Variants in SMYD1 observed in about 807,000 individuals in gnomAD.
SMYD1 encodes the protein SET and MYND domain containing 1, also known as histone-lysine N-methyltransferase SMYD1.
Under a neutral mutation model 54.0 loss-of-function variants are expected in SMYD1, and 49 were observed. The ratio of observed to expected loss-of-function variants is 0.91; its 90% CI spans 0.72 to 1.15. SMYD1 has a LOEUF of 1.15. SMYD1 is among the 50% of genes most tolerant of loss of function. The probability of loss-of-function intolerance (pLI) is 0.00; values close to 1 mark genes in which losing one functional copy is unlikely to be tolerated. For missense variants in SMYD1, 653 were observed against 639.6 expected (o/e 1.02, Z -0.23); for synonymous variants, 269 against 234.2 (o/e 1.15, Z -1.36).
In SMYD1 at chr2:88,105,492, G is replaced by A. The variant is rs575774065; in HGVS notation, c.982-833G>A. ...CCTTGTAAAAATAGTGTATTTTTGC[G>A]TACAACCTATGCACATCCTTCCATA... On this transcript the variant is annotated intron_variant, in intron 7 of 9. Coordinates refer to ENST00000419482, the MANE Select transcript of SMYD1 (RefSeq NM_198274.4). Among the ~76,000 whole-genome samples, 18 of 152,160 alleles carry A rather than the reference G, an allele frequency of 1.2e-4. No individual in the cohort carries two copies. In the South Asian group the frequency reaches 3.3e-3, roughly 28 times the overall value.
intron 1 of SMYD1, among the ~76,000 whole-genome samples, chr2:88,075,323 C>A (rs911272606): frequency 2.0e-5 from 3 of 152,108 alleles, no homozygotes; most frequent in African/African-American, 7.2e-5. Context: ...CATAATGATG[C>A]TATCTTTACC....
chr2:88,104,991 C>T (rs1282374403), intron 7 of SMYD1, among the ~76,000 whole-genome samples: 1 of 152,188 alleles, frequency 6.6e-6, no homozygotes, highest in African/African-American at 2.4e-5. Context: ...TTGAACACTT[C>T]AGTAGGACAT....
chr2:88,093,447 C>G (rs1674507087), intron 4 of SMYD1, 70 bp from the exon 5 acceptor site: 1 of 1,570,026 alleles, frequency 6.4e-7, no homozygotes, highest in South Asian at 1.1e-5. Flanking sequence ...TGCTGTACAC[C>G]CTTGCACTGG....
At chr2:88,102,952 G>C (rs925197081) in intron 6 of SMYD1, 106 bp from the exon 7 acceptor site, 3 of 797,312 alleles carry the variant, frequency 3.8e-6, no homozygotes, top group Non-Finnish European at 6.4e-6. Context: ...GAATGAGGAA[G>C]ACATTAACCT....
At chr2:88,097,365 C>T (rs984710552) in intron 6 of SMYD1, among the ~76,000 whole-genome samples, 1 of 152,080 alleles carries the variant, frequency 6.6e-6, no homozygotes, top group African/African-American at 2.4e-5. Context: ...GTCAGGAACC[C>T]AGCTGAGCTG....
chr2:88,111,977 A>G lies in SMYD1; in HGVS notation c.*1465A>G. On this transcript the variant is annotated 3_prime_UTR_variant, in exon 10 of 10. Transcript: ENST00000419482. The stretch of plus-strand genomic sequence containing the variant: ...ATGTTAGCTTCTCCATCCTCACCAC[A>G]TGATGACCTGCTGTGTCCCTCTGAG... 2 of 688,514 alleles carry G rather than the reference A, an allele frequency of 2.9e-6. No individual in the cohort carries two copies. The highest frequency in any genetic ancestry group is 5.3e-6 in the Non-Finnish European group (2 of 376,048). The allele number at this position is 688,514 out of a possible 1,614,324, so 42.7% of individuals were successfully genotyped here. A position where few individuals can be genotyped will look rare whatever the true frequency, so the allele number is the denominator to read the frequency against.
chr2:88,090,964 T>C (rs1558852787), intron 3 of SMYD1, 48 bp from the exon 4 acceptor site: 3 of 1,577,434 alleles, frequency 1.9e-6, no homozygotes, highest in Admixed American at 3.6e-5. Context: ...TAGGATGTTG[T>C]TCTGTCCATG....
chr2:88,077,445 G>A (rs958994199), intron 1 of SMYD1, among the ~76,000 whole-genome samples: 3 of 152,314 alleles, frequency 2.0e-5, no homozygotes, highest in Admixed American at 6.5e-5. Flanking sequence ...TAATGATCTC[G>A]GCCAGTCTAA....
intron 1 of SMYD1, among the ~76,000 whole-genome samples, chr2:88,069,365 C>T (rs1673898988): frequency 6.6e-6 from 1 of 152,156 alleles, no homozygotes; most frequent in Non-Finnish European, 1.5e-5. Flanking sequence ...TGGCTCACCA[C>T]CACTTGAGGA....
At position 88,110,425 on chromosome 2, in the gene SMYD1, C is replaced by A; in HGVS notation, c.1386C>A (p.Arg462=). ...RQNEFMYYKM[R]EAALNNQPMQ... ...ACGAATTCATGTACTACAAGATGCG[C>A]GAGGCTGCCCTGAACAACCAGCCCA... is the stretch of plus-strand genomic sequence containing the variant. The change falls in exon 10 of 10, where the codon CGC becomes CGA. Residue 462 remains arginine (R), a synonymous_variant. Transcript: ENST00000419482. 1 of 1,610,828 alleles carries A rather than the reference C, an allele frequency of 6.2e-7. No homozygotes were observed. The highest frequency in any genetic ancestry group is 8.5e-7 in the Non-Finnish European group (1 of 1,178,544).
intron 4 of SMYD1, among the ~76,000 whole-genome samples, chr2:88,093,315 T>C (rs1052845007): frequency 2.6e-5 from 4 of 152,314 alleles, no homozygotes; most frequent in South Asian, 4.1e-4. Flanking sequence ...ATCCAGAATG[T>C]CTTGTTCCAA....
At chr2:88,085,353 A>G (rs567509704) in intron 2 of SMYD1, among the ~76,000 whole-genome samples, 4 of 152,224 alleles carry the variant, frequency 2.6e-5, no homozygotes, top group Admixed American at 2.6e-4. Flanking sequence ...CTCCAGCCCA[A>G]GAGATTCCCA....
chr2:88,090,715 A>G (rs1356108931), intron 3 of SMYD1, among the ~76,000 whole-genome samples: 2 of 152,208 alleles, frequency 1.3e-5, no homozygotes, highest in African/African-American at 2.4e-5. Flanking sequence ...ATACTCATGT[A>G]AGACCCAGAT....
Position 88,096,721 on chromosome 2 carries a change from A to T in SMYD1, c.825A>T (p.Thr275=), listed in dbSNP as rs1015862028. 1 of 1,614,256 alleles carries T rather than the reference A, an allele frequency of 6.2e-7. No individual in the cohort carries two copies. Among genetic ancestry groups the T allele is most frequent in the South Asian group, 1.1e-5 (1 of 91,088 alleles). The change falls in exon 6 of 10, where the codon ACA becomes ACT. Residue 275 remains threonine (T), a synonymous_variant. Transcript: ENST00000419482. ...AGAAGCAGTACTACTTTGACTGCACATGTGAACACTGCCAGAAAAAACTGA... is the reference window on the plus strand; with the variant it reads ...AGAAGCAGTACTACTTTGACTGCACTTGTGAACACTGCCAGAAAAAACTGA... ...QLKKQYYFDC[T]CEHCQKKLKD... is the part of the protein sequence containing the mutation.
chr2:88,083,672 A>G (rs544482879), intron 1 of SMYD1, among the ~76,000 whole-genome samples: 4 of 152,312 alleles, frequency 2.6e-5, no homozygotes, highest in African/African-American at 7.2e-5. Context: ...CTGCAAGTTC[A>G]ATTGTTTCTC....
At chr2:88,080,994 C>T (rs942781492) in intron 1 of SMYD1, among the ~76,000 whole-genome samples, 2 of 151,748 alleles carry the variant, frequency 1.3e-5, no homozygotes, top group African/African-American at 4.8e-5. Context: ...CCTCTGCCTC[C>T]CTGGTTCAAG....
At chr2:88,092,007 C>T (rs1674472822) in intron 4 of SMYD1, among the ~76,000 whole-genome samples, 1 of 152,246 alleles carries the variant, frequency 6.6e-6, no homozygotes, top group Admixed American at 6.5e-5. Flanking sequence ...AGCACTGTTT[C>T]TGCAGCTAGT....
In SMYD1 at chr2:88,110,409, T is replaced by C. The variant is rs776276201; in HGVS notation, c.1370T>C (p.Met457Thr). The part of the protein sequence containing the change: ...ELRMFRQNEF[M>T]YYKMREAALN... The stretch of plus-strand genomic sequence containing the variant: ...CGCATGTTCCGCCAGAACGAATTCA[T>C]GTACTACAAGATGCGCGAGGCTGCC... Residue 457 changes from methionine to threonine, a missense_variant, in exon 10 of 10, where the codon ATG (methionine) becomes ACG (threonine). By Grantham distance (81) the Met-to-Thr change is moderately conservative (BLOSUM62 -1). Coordinates refer to ENST00000419482, the MANE Select transcript of SMYD1 (RefSeq NM_198274.4). 3.1e-6 allele frequency: 5 copies of C among 1,612,560 alleles called. No individual in the cohort carries two copies. The highest frequency in any genetic ancestry group is 2.2e-5 in the South Asian group (2 of 90,534).
At chr2:88,071,205 A>C (rs533160704) in intron 1 of SMYD1, among the ~76,000 whole-genome samples, 3 of 152,160 alleles carry the variant, frequency 2.0e-5, no homozygotes, top group Admixed American at 6.5e-5. Flanking sequence ...GTTGCTATGA[A>C]CATTTTTGCT....
Sources: gnomAD v4.1 joint callset for allele counts (sites outside exome capture counted in the v4.1 genomes callset) on GRCh38, gnomAD v4.1.1 for gene constraint, MANE v1.5 for transcripts, NCBI Gene and HGNC (gene_info 2026-07-23, HGNC 2026-07-21) for gene names.